Variants in PLEKHA5 observed in about 807,000 individuals in gnomAD.
PLEKHA5 encodes pleckstrin homology domain containing A5, also known as pleckstrin homology domain-containing family A member 5.
Under a neutral mutation model 181.9 loss-of-function variants are expected in PLEKHA5, and 55 were observed. The ratio of observed to expected loss-of-function variants is 0.30; its 90% CI spans 0.24 to 0.38. The LOEUF (loss-of-function observed/expected upper bound fraction) is 0.38, where lower values mean the gene tolerates loss of function less well. Among genes scored for constraint, PLEKHA5 ranks in the 10% least tolerant of loss-of-function variants. The pLI is 1.00. For missense variants in PLEKHA5, 1,432 were observed against 1,549.5 expected (o/e 0.92, Z 1.27); for synonymous variants, 535 against 529.4 (o/e 1.01, Z -0.15).
chr12:19,299,867 CAAA>C (rs1291396557), intron 15 of PLEKHA5, among the ~76,000 whole-genome samples: 1 of 151,810 alleles, frequency 6.6e-6, no homozygotes, highest in Non-Finnish European at 1.5e-5. Flanking sequence ...TTTTGCCTTA[CAAA>C]AAAAAGTCTC....
At chr12:19,202,058 C>T in intron 3 of PLEKHA5, 1 of 906,374 alleles carries the variant, frequency 1.1e-6, no homozygotes, top group Non-Finnish European at 1.3e-6. Flanking sequence ...TTCACAGTTA[C>T]TCCCCACTCT....
At chr12:19,246,680 G>T (rs868256724) in intron 3 of PLEKHA5, among the ~76,000 whole-genome samples, 1 of 150,070 alleles carries the variant, frequency 6.7e-6, no homozygotes, top group African/African-American at 2.4e-5. Context: ...ATCAAATTCT[G>T]ATTTTTAAAT....
chr12:19,347,100 G>A lies in PLEKHA5; in HGVS notation c.2816G>A (p.Cys939Tyr), dbSNP rs2094370976. Residue 939 changes from cysteine (C) to tyrosine (Y), a missense_variant, in exon 24 of 32, where the codon TGT becomes TAT. Cys to Tyr is a radical substitution (Grantham distance 194). This residue lies in a region of PLEKHA5 where 1,143 missense variants were observed against 1,168.4 expected (regional missense o/e 0.98). Coordinates refer to ENST00000429027, the MANE Select transcript of PLEKHA5 (RefSeq NM_001256470.2). Reference protein sequence around the residue: ...PLPSDSSSLLCYSRGPVHLPE... With the variant: ...PLPSDSSSLLYYSRGPVHLPE... ...CCCAGTGATAGCAGCTCCTTGCTCT[G>A]TTATAGCAGGGGCCCAGTTCATCTG... The A allele has an allele frequency of 1.3e-6, 2 of 1,550,246 alleles. No homozygotes were observed. The highest frequency in any genetic ancestry group is 1.2e-5 in the South Asian group (1 of 83,986).
chr12:19,282,650 G>A (rs1041320931), intron 11 of PLEKHA5, among the ~76,000 whole-genome samples: 7 of 152,106 alleles, frequency 4.6e-5, no homozygotes, highest in African/African-American at 1.7e-4. Context: ...AAAAATGAGA[G>A]TTTATTTATA....
At position 19,258,006 on chromosome 12, in the gene PLEKHA5, G is replaced by C. The variant is rs149482613; in HGVS notation, c.537+469G>C. Among the ~76,000 whole-genome samples the C allele has an allele frequency of 2.6e-3, 389 of 151,548 alleles. 3 individuals carry two copies. The highest frequency in any genetic ancestry group is 9.1e-3 in the African/African-American group (375 of 41,372). ...TTTTTCTGAGTTTTTTCAGATTTTTGATTCTATAATATGAGATTATTCTTT... is the reference window on the plus strand; with the variant it reads ...TTTTTCTGAGTTTTTTCAGATTTTTCATTCTATAATATGAGATTATTCTTT... On this transcript the variant is annotated intron_variant, in intron 6 of 31. Transcript: ENST00000429027.
intron 3 of PLEKHA5, among the ~76,000 whole-genome samples, chr12:19,134,467 C>A (rs2035003298): frequency 6.6e-6 from 1 of 151,700 alleles, no homozygotes; most frequent in African/African-American, 2.4e-5. Context: ...TGTTGCATAT[C>A]ACTCATTAAA....
intron 17 of PLEKHA5, 93 bp from the exon 18 acceptor site, chr12:19,320,469 A>G (rs2090356086): frequency 8.4e-6 from 5 of 596,652 alleles, no homozygotes; most frequent in South Asian, 6.8e-5. Flanking sequence ...GTTATGTTAT[A>G]TATATTTAAT....
chr12:19,328,957 T>G lies in PLEKHA5; in HGVS notation c.2448+6290T>G, dbSNP rs2092562253. 2.0e-5 allele frequency among the ~76,000 whole-genome samples: 3 copies of G among 152,172 alleles called. No individual in the cohort carries two copies. In the South Asian group the frequency reaches 6.2e-4, roughly 32 times the overall value. ...CCAGTTTTTGCCCATCTCAGTATGA[T>G]GTTGGCTGTATATTTGTCATAGATG... On this transcript the variant is annotated intron_variant, in intron 20 of 31. Coordinates refer to ENST00000429027, the MANE Select transcript of PLEKHA5 (RefSeq NM_001256470.2).
At chr12:19,369,875 A>T in intron 31 of PLEKHA5, 77 bp downstream of exon 31, 2 of 820,308 alleles carry the variant, frequency 2.4e-6, no homozygotes, top group Non-Finnish European at 2.0e-6. Flanking sequence ...TTAGTGAATC[A>T]AAACTGGGAT....
At chr12:19,264,250 A>C (rs571533904) in intron 7 of PLEKHA5, among the ~76,000 whole-genome samples, 4 of 152,122 alleles carry the variant, frequency 2.6e-5, no homozygotes, top group Non-Finnish European at 5.9e-5. Context: ...TAACTTGGCA[A>C]GGATTTCACA....
At chr12:19,295,802 A>AT (rs1425929430) in intron 15 of PLEKHA5, among the ~76,000 whole-genome samples, 3 of 152,122 alleles carry the variant, frequency 2.0e-5, no homozygotes, top group African/African-American at 7.2e-5. Flanking sequence ...GTTATTAAGG[A>AT]TTTTTCATAG....
intron 3 of PLEKHA5, among the ~76,000 whole-genome samples, chr12:19,241,691 G>C (rs1342903938): frequency 1.3e-5 from 2 of 151,458 alleles, no homozygotes; most frequent in Admixed American, 6.6e-5. Flanking sequence ...AGGAGTTAGA[G>C]GTTGCAGTGA....
intron 20 of PLEKHA5, among the ~76,000 whole-genome samples, chr12:19,331,400 C>T (rs1411885123): frequency 6.6e-6 from 1 of 152,042 alleles, no homozygotes; most frequent in African/African-American, 2.4e-5. Context: ...GATGAGATCT[C>T]CCTATGTTGC....
intron 13 of PLEKHA5, 113 bp downstream of exon 13, chr12:19,287,669 A>G (rs2077509387): frequency 4.5e-6 from 3 of 669,136 alleles, no homozygotes; most frequent in East Asian, 5.3e-5. Context: ...CAAAGAAAAA[A>G]CATTACTGCT....
intron 3 of PLEKHA5, among the ~76,000 whole-genome samples, chr12:19,229,107 G>GT (rs761184989): frequency 1.3e-5 from 2 of 152,256 alleles, no homozygotes; most frequent in South Asian, 2.1e-4. Context: ...ACTTGTTTTT[G>GT]TTTTTTAAGT....
chr12:19,258,890 A>C (rs1156548244), intron 6 of PLEKHA5, among the ~76,000 whole-genome samples: 1 of 151,962 alleles, frequency 6.6e-6, no homozygotes, highest in Admixed American at 6.6e-5. Flanking sequence ...AATTTTCTCC[A>C]TATTTTCCAG....
chr12:19,335,051 G>T (rs1276334698), intron 20 of PLEKHA5, among the ~76,000 whole-genome samples: 8 of 110,724 alleles, frequency 7.2e-5, no homozygotes, highest in African/African-American at 2.1e-4. Context: ...TTTCTTTTTG[G>T]AGACATGGTC....
At chr12:19,287,663 G>A in intron 13 of PLEKHA5, 107 bp downstream of exon 13, 1 of 684,034 alleles carries the variant, frequency 1.5e-6, no homozygotes, top group Non-Finnish European at 2.6e-6. Flanking sequence ...TTCTCCCAAA[G>A]AAAAAACATT....
chr12:19,234,941 T>G (rs2061189532), intron 3 of PLEKHA5, among the ~76,000 whole-genome samples: 1 of 152,198 alleles, frequency 6.6e-6, no homozygotes, highest in Non-Finnish European at 1.5e-5. Flanking sequence ...ATTTATGTTT[T>G]TTAAAGGGGG....
Sources: gnomAD v4.1 joint callset for allele counts (sites outside exome capture counted in the v4.1 genomes callset) on GRCh38, gnomAD v4.1.1 for gene constraint, gnomAD v4.1.1 regional missense constraint, MANE v1.5 for transcripts, NCBI Gene and HGNC (gene_info 2026-07-23, HGNC 2026-07-21) for gene names.